ZNF385D: variants seen among roughly 807,000 people sequenced by gnomAD.
The protein encoded by ZNF385D is zinc finger protein 385D, also known as zinc finger protein 659.
In ZNF385D, 15 loss-of-function variants were observed where a neutral mutation model predicts 35.8. The ratio of observed to expected loss-of-function variants is 0.42; its 90% CI spans 0.28 to 0.64. ZNF385D has a LOEUF of 0.64. Among genes scored for constraint, ZNF385D ranks in the 30% least tolerant of loss-of-function variants. The pLI, the probability that ZNF385D is intolerant of heterozygous loss-of-function variation, is 0.23. For synonymous variants in ZNF385D, 212 were observed against 186.8 expected (o/e 1.13, Z -1.10); for missense variants, 474 against 494.6 (o/e 0.96, Z 0.39).
chr3:21,603,661 C>CTT (rs10661585), intron 2 of ZNF385D, among the ~76,000 whole-genome samples: 29,080 of 151,940 alleles, frequency 0.19, 3,777 homozygotes, highest in African/African-American at 0.38. Context: ...TTTGTATGCC[C>CTT]TTATATACAT....
At chr3:21,875,578 T>C (rs1341639004) in intron 3 of ZNF385D, among the ~76,000 whole-genome samples, 1 of 152,126 alleles carries the variant, frequency 6.6e-6, no homozygotes, top group Non-Finnish European at 1.5e-5. Context: ...CTTTTCAAAA[T>C]ATATCTGATA....
chr3:21,452,053 AT>A (rs1575169422), intron 4 of ZNF385D, among the ~76,000 whole-genome samples: 1 of 152,186 alleles, frequency 6.6e-6, no homozygotes, highest in East Asian at 1.9e-4. Flanking sequence ...TATATATTCA[AT>A]TTTGGACTAA....
intron 3 of ZNF385D, among the ~76,000 whole-genome samples, chr3:22,018,842 G>A (rs140860035): frequency 4.0e-5 from 6 of 151,850 alleles, no homozygotes; most frequent in Admixed American, 3.9e-4. Flanking sequence ...TCACAGAAAT[G>A]GGTGGAGTTT....
intron 2 of ZNF385D, among the ~76,000 whole-genome samples, chr3:22,236,557 G>C (rs1484613846): frequency 6.6e-6 from 1 of 152,106 alleles, no homozygotes; most frequent in Admixed American, 6.6e-5. Context: ...TAAATATTAA[G>C]ATATAATCAC....
chr3:22,096,642 T>A (rs1442006389), intron 3 of ZNF385D, among the ~76,000 whole-genome samples: 1 of 152,020 alleles, frequency 6.6e-6, no homozygotes, highest in African/African-American at 2.4e-5. Context: ...TTGCCTGCAA[T>A]AAAATCAAAA....
At chr3:22,308,201 T>C (rs942732720) in intron 2 of ZNF385D, among the ~76,000 whole-genome samples, 2 of 152,096 alleles carry the variant, frequency 1.3e-5, no homozygotes, top group Non-Finnish European at 2.9e-5. Flanking sequence ...ACAATTATTA[T>C]GTTAGAAAAT....
chr3:21,760,282 G>A (rs2070543213), intron 3 of ZNF385D, among the ~76,000 whole-genome samples: 1 of 152,160 alleles, frequency 6.6e-6, no homozygotes, highest in Non-Finnish European at 1.5e-5. Flanking sequence ...GTTACCCAAA[G>A]GAACTCTGCA....
intron 1 of ZNF385D, among the ~76,000 whole-genome samples, chr3:21,746,211 C>T (rs965887555): frequency 1.8e-4 from 27 of 152,318 alleles, no homozygotes; most frequent in African/African-American, 4.6e-4. Flanking sequence ...TCCACGAAAG[C>T]GTAACTTTGC....
chr3:22,361,745 A>T (rs1440440911), intron 2 of ZNF385D, among the ~76,000 whole-genome samples: 1 of 152,038 alleles, frequency 6.6e-6, no homozygotes, highest in Admixed American at 6.6e-5. Context: ...AGTCAAAAAT[A>T]GTTCACTATT....
intron 3 of ZNF385D, among the ~76,000 whole-genome samples, chr3:22,049,982 G>C (rs1252295139): frequency 6.6e-6 from 1 of 152,080 alleles, no homozygotes; most frequent in Non-Finnish European, 1.5e-5. Context: ...TGCTTGTCTG[G>C]CTTTGGTATC....
chr3:22,132,341 G>T (rs1360067996), intron 3 of ZNF385D, among the ~76,000 whole-genome samples: 1 of 152,110 alleles, frequency 6.6e-6, no homozygotes, highest in Non-Finnish European at 1.5e-5. Flanking sequence ...AAATCTGCTG[G>T]TGTTCTAATT....
At chr3:22,129,088 T>C (rs1609172) in intron 3 of ZNF385D, among the ~76,000 whole-genome samples, 1 of 152,112 alleles carries the variant, frequency 6.6e-6, no homozygotes, top group Non-Finnish European at 1.5e-5. Context: ...CAGACTTGTA[T>C]ATGTACCACC....
chr3:21,505,857 C>T (rs920118), intron 4 of ZNF385D, among the ~76,000 whole-genome samples: 80,490 of 151,896 alleles, frequency 0.53, 21,451 homozygotes, highest in East Asian at 0.65. Flanking sequence ...GCATACATCC[C>T]CCCTTTGTCA....
intron 4 of ZNF385D, among the ~76,000 whole-genome samples, chr3:21,452,355 C>A (rs1188440871): frequency 6.6e-6 from 1 of 151,988 alleles, no homozygotes; most frequent in African/African-American, 2.4e-5. Context: ...CCCCTGAGAT[C>A]AAGAGCAAGA....
chr3:22,225,590 G>A (rs1011392390), intron 2 of ZNF385D, among the ~76,000 whole-genome samples: 2 of 152,108 alleles, frequency 1.3e-5, no homozygotes, highest in African/African-American at 4.8e-5. Flanking sequence ...TTCTTCAGTG[G>A]CATCAAGCAA....
intron 2 of ZNF385D, among the ~76,000 whole-genome samples, chr3:22,230,343 C>G (rs1049375053): frequency 1.3e-5 from 2 of 152,138 alleles, no homozygotes; most frequent in South Asian, 2.1e-4. Flanking sequence ...TTTTATGGCC[C>G]TTTTCTGGCT....
At chr3:22,012,242 T>A (rs1226833663) in intron 3 of ZNF385D, among the ~76,000 whole-genome samples, 1 of 152,172 alleles carries the variant, frequency 6.6e-6, no homozygotes, top group Admixed American at 6.5e-5. Flanking sequence ...AATTATTGCA[T>A]AATGTCTTAT....
intron 2 of ZNF385D, among the ~76,000 whole-genome samples, chr3:22,291,273 T>G (rs1322813640): frequency 1.3e-5 from 2 of 152,198 alleles, no homozygotes; most frequent in African/African-American, 4.8e-5. Flanking sequence ...TGTGATTATG[T>G]TAAACATATA....
chr3:21,855,860 TATG>T (rs1162993783), intron 3 of ZNF385D, among the ~76,000 whole-genome samples: 8 of 144,630 alleles, frequency 5.5e-5, no homozygotes, highest in Non-Finnish European at 1.2e-4. Context: ...TATAATATCC[TATG>T]ATTTTTTTTT....
Sources: gnomAD v4.1 joint callset for allele counts (sites outside exome capture counted in the v4.1 genomes callset) on GRCh38, gnomAD v4.1.1 for gene constraint, MANE v1.5 for transcripts, NCBI Gene and HGNC (gene_info 2026-07-23, HGNC 2026-07-21) for gene names.